Variants in ARSB observed in about 807,000 individuals in gnomAD.
The protein encoded by ARSB is N-acetylgalactosamine-4-sulfatase.
A neutral mutation model predicts 50.9 loss-of-function variants in ARSB; 41 were observed. The ratio of observed to expected loss-of-function variants is 0.81; its 90% CI spans 0.63 to 1.04. The LOEUF (loss-of-function observed/expected upper bound fraction) is 1.04. ARSB is among the 50% of genes least tolerant of loss of function. ARSB has a pLI of 0.00. For missense variants in ARSB, 672 were observed against 693.3 expected (o/e 0.97, Z 0.35); for synonymous variants, 269 against 284.8 (o/e 0.94, Z 0.56).
intron 5 of ARSB, among the ~76,000 whole-genome samples, chr5:78,839,713 A>G (rs932491665): frequency 6.6e-6 from 1 of 152,220 alleles, no homozygotes; most frequent in African/African-American, 2.4e-5. Flanking sequence ...TTATTTAAAC[A>G]TGACCATTTT....
intron 6 of ARSB, among the ~76,000 whole-genome samples, chr5:78,822,147 T>C (rs982165079): frequency 1.3e-5 from 2 of 152,232 alleles, no homozygotes; most frequent in Non-Finnish European, 2.9e-5. Context: ...AAGAGACATT[T>C]TGTGACCTTT....
Position 78,841,168 on chromosome 5 carries a change from C to CTACTACTACTACTACTACTACTAATAA in ARSB, c.1143-1743_1143-1742insTTATTAGTAGTAGTAGTAGTAGTAGTA, listed in dbSNP as rs368030435. Among the ~76,000 whole-genome samples, 672 of 131,998 alleles carry CTACTACTACTACTACTACTACTAATAA rather than the reference C, an allele frequency of 5.1e-3. 6 individuals carry two copies. Among genetic ancestry groups the CTACTACTACTACTACTACTACTAATAA allele is most frequent in the African/African-American group, 0.015 (530 of 35,054 alleles). 86.6% of individuals were successfully genotyped at this position (131,998 alleles called of 152,430 possible). A position where few individuals can be genotyped will look rare whatever the true frequency, so the allele number is the denominator to read the frequency against. On this transcript the variant is annotated intron_variant, in intron 5 of 7. Coordinates refer to ENST00000264914, the MANE Select transcript of ARSB (RefSeq NM_000046.5). ...ACTACTACTACTACTACTACTACTA[C>CTACTACTACTACTACTACTACTAATAA]TAATAATAATAATAATTTGAGCATG...
chr5:78,921,813 G>C (rs1370727000), intron 4 of ARSB, among the ~76,000 whole-genome samples: 1 of 152,216 alleles, frequency 6.6e-6, no homozygotes, highest in Non-Finnish European at 1.5e-5. Context: ...AGGCATTGAA[G>C]AGGGTAGGAA....
At chr5:78,799,878 G>C (rs1036191759) in intron 6 of ARSB, among the ~76,000 whole-genome samples, 2 of 152,292 alleles carry the variant, frequency 1.3e-5, no homozygotes, top group East Asian at 1.9e-4. Context: ...GGGAAAATTG[G>C]AAAGACAGAG....
intron 4 of ARSB, among the ~76,000 whole-genome samples, chr5:78,913,878 T>G (rs1044203036): frequency 4.6e-5 from 7 of 152,004 alleles, no homozygotes; most frequent in Non-Finnish European, 8.8e-5. Context: ...GTCAGAAAAA[T>G]TTTCACTATA....
chr5:78,911,572 T>TAAAAAAAA (rs71001137), intron 4 of ARSB, among the ~76,000 whole-genome samples: 25 of 67,850 alleles, frequency 3.7e-4, no homozygotes, highest in Non-Finnish European at 4.6e-4. Flanking sequence ...AGACTCCCTC[T>TAAAAAAAA]AAAAAAAAAA....
intron 4 of ARSB, among the ~76,000 whole-genome samples, chr5:78,898,388 A>G (rs1015781922): frequency 1.2e-4 from 19 of 152,228 alleles, no homozygotes; most frequent in African/African-American, 4.6e-4. Context: ...CTTTCAAAAA[A>G]TAGATAGGAA....
chr5:78,820,939 A>C (rs1343926097), intron 6 of ARSB, among the ~76,000 whole-genome samples: 3 of 148,954 alleles, frequency 2.0e-5, no homozygotes, highest in African/African-American at 7.4e-5. Context: ...AGTATGTGGC[A>C]AAAAAAAAAC....
At chr5:78,816,959 G>A in intron 6 of ARSB, 1 of 465,248 alleles carries the variant, frequency 2.1e-6, no homozygotes, top group Non-Finnish European at 2.8e-6. Flanking sequence ...ACCCAGTTGA[G>A]CCTGCCCAGC....
intron 5 of ARSB, among the ~76,000 whole-genome samples, chr5:78,862,723 G>A (rs976406525): frequency 2.0e-5 from 3 of 152,112 alleles, no homozygotes; most frequent in African/African-American, 7.2e-5. Flanking sequence ...AACACCAAAA[G>A]CAATGGCAAC....
At chr5:78,975,234 G>C (rs529003029) in intron 1 of ARSB, among the ~76,000 whole-genome samples, 1 of 152,248 alleles carries the variant, frequency 6.6e-6, no homozygotes, top group Non-Finnish European at 1.5e-5. Context: ...AGGAGGACAA[G>C]AAGCAGGAAA....
At chr5:78,904,036 A>G (rs545765157) in intron 4 of ARSB, among the ~76,000 whole-genome samples, 1 of 152,182 alleles carries the variant, frequency 6.6e-6, no homozygotes, top group Non-Finnish European at 1.5e-5. Context: ...GCAACCACTG[A>G]TGCTTCTCTG....
At chr5:78,963,458 C>T (rs1752082440) in intron 3 of ARSB, among the ~76,000 whole-genome samples, 1 of 152,146 alleles carries the variant, frequency 6.6e-6, no homozygotes, top group African/African-American at 2.4e-5. Context: ...AACCAGGGAG[C>T]ACTGCATATT....
In ARSB at chr5:78,936,227, C is replaced by T. The variant is rs1270592282; in HGVS notation, c.898+19068G>A. ...GCAACCTCCGCCTCCCGGGTTCAAG[C>T]GATTCTCCTGCCTCAACCTCCCAAG... On this transcript the variant is annotated intron_variant, in intron 4 of 7. Transcript: ENST00000264914. Among the ~76,000 whole-genome samples the T allele has an allele frequency of 1.0e-4, 15 of 148,290 alleles. 1 individual carries two copies. The highest frequency in any genetic ancestry group is 3.0e-4 in the African/African-American group (12 of 39,972).
At chr5:78,936,438 T>C (rs1366225997) in intron 4 of ARSB, among the ~76,000 whole-genome samples, 1 of 151,158 alleles carries the variant, frequency 6.6e-6, no homozygotes, top group Non-Finnish European at 1.5e-5. Context: ...TCTTTATTTC[T>C]TTCTAAGATC....
At chr5:78,812,633 G>GCACAC in intron 6 of ARSB, among the ~76,000 whole-genome samples, 1 of 54,530 alleles carries the variant, frequency 1.8e-5, no homozygotes, top group African/African-American at 5.5e-5. Flanking sequence ...ACACACACAT[G>GCACAC]ATATCACAAT....
At chr5:78,983,046 A>G (rs1301328916) in intron 1 of ARSB, among the ~76,000 whole-genome samples, 1 of 151,986 alleles carries the variant, frequency 6.6e-6, no homozygotes, top group Non-Finnish European at 1.5e-5. Flanking sequence ...GATTACGGGA[A>G]TGGGTTTTTT....
intron 4 of ARSB, among the ~76,000 whole-genome samples, chr5:78,921,055 G>A (rs338460): frequency 0.5 from 75,340 of 151,830 alleles, 19,026 homozygotes; most frequent in East Asian, 0.66. Flanking sequence ...TGAATTCAAA[G>A]CTGACACAGA....
chr5:78,835,115 G>A (rs1375120407), intron 6 of ARSB, among the ~76,000 whole-genome samples: 2 of 152,144 alleles, frequency 1.3e-5, no homozygotes, highest in East Asian at 3.9e-4. Flanking sequence ...TGAGAGATTT[G>A]GTGACCCCTG....
Sources: allele counts gnomAD v4.1 joint callset (sites outside exome capture counted in the v4.1 genomes callset), GRCh38; gene constraint gnomAD v4.1.1; transcripts MANE v1.5; gene names NCBI Gene and HGNC (gene_info 2026-07-23, HGNC 2026-07-21).